The following MAP3K13 variants were observed in gnomAD, a reference collection of about 807,000 sequenced individuals.
The protein encoded by MAP3K13 is leucine zipper-bearing kinase.
In MAP3K13, 52 loss-of-function variants were observed where a neutral mutation model predicts 104.0. The observed-to-expected ratio is 0.50, with a 90% CI of 0.40 to 0.63. The LOEUF (loss-of-function observed/expected upper bound fraction) is 0.63, where lower values mean the gene tolerates loss of function less well. Ranked by LOEUF, MAP3K13 falls within the 20% of genes least tolerant of loss-of-function variation. The probability of loss-of-function intolerance (pLI) is 0.00; values close to 1 mark genes in which losing one functional copy is unlikely to be tolerated. For synonymous variants in MAP3K13, 394 were observed against 442.2 expected (o/e 0.89, Z 1.37); for missense variants, 914 against 1,218.5 (o/e 0.75, Z 3.72).
At chr3:185,454,649 T>TGA (rs1223643854) in intron 7 of MAP3K13, among the ~76,000 whole-genome samples, 5 of 93,334 alleles carry the variant, frequency 5.4e-5, no homozygotes, top group African/African-American at 2.1e-4. Flanking sequence ...GATATATATA[T>TGA]GATATATATA....
chr3:185,395,731 C>T (rs1172138330), intron 1 of MAP3K13, among the ~76,000 whole-genome samples: 1 of 151,280 alleles, frequency 6.6e-6, no homozygotes, highest in Non-Finnish European at 1.5e-5. Context: ...GTCACTCAGG[C>T]TGGAGTGCAG....
intron 1 of MAP3K13, chr3:185,417,520 G>A (rs1024612768): frequency 3.7e-6 from 6 of 1,607,028 alleles, no homozygotes; most frequent in Non-Finnish European, 5.1e-6. Context: ...CTTTTCCTCT[G>A]TAGTAGGTTT....
intron 1 of MAP3K13, among the ~76,000 whole-genome samples, chr3:185,414,932 G>C (rs1377916127): frequency 1.3e-5 from 2 of 152,064 alleles, no homozygotes; most frequent in East Asian, 3.9e-4. Flanking sequence ...AGCACTTTGG[G>C]AGGATGAGGT....
chr3:185,355,471 A>G (rs74515456), intron 2 of MAP3K13, among the ~76,000 whole-genome samples: 1 of 151,472 alleles, frequency 6.6e-6, no homozygotes, highest in Non-Finnish European at 1.5e-5. Context: ...TGTCTCAAAA[A>G]AAAAAAAAAA....
At chr3:185,363,767 ACTTGTCTTC>A (rs1287135707) in intron 1 of MAP3K13, among the ~76,000 whole-genome samples, 1 of 152,250 alleles carries the variant, frequency 6.6e-6, no homozygotes, top group African/African-American at 2.4e-5. Context: ...CCTGTGGGGC[ACTTGTCTTC>A]CTTGCGACCG....
At chr3:185,405,543 C>G (rs1464371006) in intron 1 of MAP3K13, among the ~76,000 whole-genome samples, 3 of 152,206 alleles carry the variant, frequency 2.0e-5, no homozygotes, top group Non-Finnish European at 4.4e-5. Flanking sequence ...GCCCTCCATT[C>G]TTTTCTTTGC....
rs1353487269 is a variant in MAP3K13, at chr3:185,383,197, A to AT, written c.-86+19835dup. Among the ~76,000 whole-genome samples the AT allele has an allele frequency of 2.2e-3, 335 of 150,182 alleles. 1 individual carries two copies. The highest frequency in any genetic ancestry group is 7.5e-3 in the African/African-American group (307 of 40,816). The stretch of plus-strand genomic sequence containing the variant: ...TCCCTACAAAGGACATGAACTCATC[A>AT]TTTTTTATGGCTGCATAGTATTCCA... On this transcript the variant is annotated intron_variant, in intron 1 of 13. Transcript: ENST00000265026.
intron 8 of MAP3K13, 143 bp downstream of exon 8, chr3:185,463,802 A>G (rs1717254505): frequency 5.8e-6 from 3 of 517,032 alleles, no homozygotes; most frequent in South Asian, 7.5e-5. Flanking sequence ...AGTTGCCCCA[A>G]AAGTTAGCCT....
At chr3:185,455,257 G>C (rs867420104) in intron 7 of MAP3K13, among the ~76,000 whole-genome samples, 1 of 18,500 alleles carries the variant, frequency 5.4e-5, no homozygotes, top group Non-Finnish European at 1.4e-4. Flanking sequence ...ATATATATGA[G>C]ATATATGAGA....
chr3:185,314,926 C>A (rs1721622856), intron 2 of MAP3K13, among the ~76,000 whole-genome samples: 1 of 152,128 alleles, frequency 6.6e-6, no homozygotes, highest in African/African-American at 2.4e-5. Context: ...CAAGTGTGAA[C>A]CACCACACCT....
chr3:185,299,440 T>C (rs980434569), intron 2 of MAP3K13, among the ~76,000 whole-genome samples: 1 of 152,246 alleles, frequency 6.6e-6, no homozygotes, highest in Non-Finnish European at 1.5e-5. Context: ...GTTACTTTCC[T>C]AGGGCTGCCA....
At chr3:185,428,352 C>A in intron 1 of MAP3K13, 145 bp from the exon 2 acceptor site, 2 of 420,498 alleles carry the variant, frequency 4.8e-6, no homozygotes, top group Non-Finnish European at 8.3e-6. Context: ...CATAATTTTT[C>A]ATTGCTGCAC....
At chr3:185,301,591 G>C (rs993214053) in intron 2 of MAP3K13, among the ~76,000 whole-genome samples, 1 of 152,150 alleles carries the variant, frequency 6.6e-6, no homozygotes, top group African/African-American at 2.4e-5. Flanking sequence ...ATAGTTTCAG[G>C]TCTTACAGTT....
chr3:185,446,381 G>A (rs538998171), intron 4 of MAP3K13, among the ~76,000 whole-genome samples: 1 of 151,590 alleles, frequency 6.6e-6, no homozygotes, highest in East Asian at 1.9e-4. Flanking sequence ...TCAGCCTCCC[G>A]AGTGGCTGGG....
At chr3:185,442,274 C>A (rs1419418746) in intron 3 of MAP3K13, among the ~76,000 whole-genome samples, 1 of 151,238 alleles carries the variant, frequency 6.6e-6, no homozygotes, top group Non-Finnish European at 1.5e-5. Context: ...GTGAGATGTG[C>A]CTCCCTCCAA....
At chr3:185,392,882 C>T (rs1712151694) in intron 1 of MAP3K13, among the ~76,000 whole-genome samples, 1 of 151,642 alleles carries the variant, frequency 6.6e-6, no homozygotes, top group Non-Finnish European at 1.5e-5. Flanking sequence ...AACCCTGTCT[C>T]TATAAAAAAA....
At chr3:185,393,685 CTT>C (rs1712211780) in intron 1 of MAP3K13, among the ~76,000 whole-genome samples, 1 of 152,074 alleles carries the variant, frequency 6.6e-6, no homozygotes, top group Non-Finnish European at 1.5e-5. Flanking sequence ...GTCTTGATCT[CTT>C]GACCTCGTGA....
intron 2 of MAP3K13, among the ~76,000 whole-genome samples, chr3:185,303,301 A>G (rs1389754655): frequency 6.6e-6 from 1 of 152,158 alleles, no homozygotes; most frequent in Non-Finnish European, 1.5e-5. Context: ...TTCCTAGAGT[A>G]TCATTGTCTG....
chr3:185,309,333 C>A (rs1342197287), intron 2 of MAP3K13, among the ~76,000 whole-genome samples: 1 of 151,874 alleles, frequency 6.6e-6, no homozygotes, highest in African/African-American at 2.4e-5. Flanking sequence ...CATGGTGAAA[C>A]CCTGCCTCTA....
Sources: allele counts gnomAD v4.1 joint callset (sites outside exome capture counted in the v4.1 genomes callset), GRCh38; gene constraint gnomAD v4.1.1; transcripts MANE v1.5; gene names NCBI Gene and HGNC (gene_info 2026-07-23, HGNC 2026-07-21).